NCBP3: variants seen among roughly 807,000 people sequenced by gnomAD.
NCBP3 encodes the protein nuclear cap-binding protein subunit 3.
In NCBP3, 20 loss-of-function variants were observed where a neutral mutation model predicts 75.7. That is an observed-to-expected ratio of 0.26 (90% CI 0.19 to 0.38). NCBP3 has a LOEUF of 0.38. Ranked by LOEUF, NCBP3 falls within the 10% of genes least tolerant of loss-of-function variation. NCBP3 has a pLI of 1.00. For missense variants in NCBP3, 678 were observed against 796.9 expected, an observed-to-expected ratio of 0.85 and a Z score of 1.80; for synonymous variants, 293 against 290.5, an observed-to-expected ratio of 1.01 and a Z score of -0.09.
At position 3,846,164 on chromosome 17, in the gene NCBP3, G is replaced by A; in HGVS notation, c.60C>T (p.Ala20=). The A allele has an allele frequency of 2.6e-6, 4 of 1,528,182 alleles. No homozygotes were observed. The highest frequency in any genetic ancestry group is 3.5e-6 in the Non-Finnish European group (4 of 1,137,760). The allele number at this position is 1,528,182 out of a possible 1,614,324, so 94.7% of individuals were successfully genotyped here. A position where few individuals can be genotyped will look rare whatever the true frequency, so the allele number is the denominator to read the frequency against. The change falls in exon 1 of 13, where the codon GCC becomes GCT. Residue 20 remains alanine, a synonymous_variant. Coordinates refer to ENST00000389005, the MANE Select transcript of NCBP3 (RefSeq NM_001114118.3). The surrounding 1 kb of genome is among the most constrained non-coding windows in gnomAD (Gnocchi z 4.6). The stretch of plus-strand genomic sequence containing the variant: ...CCGCCTCAGGGGACGGGAGCCCCAG[G>A]GCCGGCCCCGCCGGGGCCTCCGCCT... The part of the protein sequence containing the change: ...SVKAEAPAGP[A]LGLPSPEAES...
At position 3,841,318 on chromosome 17, in the gene NCBP3, T is replaced by C. The variant is rs547739686; in HGVS notation, c.250-1113A>G. Among the ~76,000 whole-genome samples, 5 of 152,272 alleles carry C rather than the reference T, an allele frequency of 3.3e-5. No individual in the cohort carries two copies. The South Asian group carries it at 1.0e-3, about 32-fold the overall frequency. Reference sequence around the variant, plus strand: ...TTGACTTTGCCACACTAATTGAAGGTCTGACTACAGAGAGCTTGTGGGGAT... The same window carrying C: ...TTGACTTTGCCACACTAATTGAAGGCCTGACTACAGAGAGCTTGTGGGGAT... On this transcript the variant is annotated intron_variant, in intron 2 of 12. Transcript: ENST00000389005.
At position 3,812,044 on chromosome 17, in the gene NCBP3, T is replaced by A. The variant is rs1243015432; in HGVS notation, c.*1000A>T. Reference sequence around the variant, plus strand: ...GGACCCCATCTCAGATGGATGGATTTTTTTTCCTACTGGAGCCAAAAAACA... The same window carrying A: ...GGACCCCATCTCAGATGGATGGATTATTTTTCCTACTGGAGCCAAAAAACA... On this transcript the variant is annotated 3_prime_UTR_variant, in exon 13 of 13. Transcript: ENST00000389005. 6.6e-6 allele frequency: 1 copy of A among 152,152 alleles called. No individual in the cohort carries two copies. Among genetic ancestry groups the A allele is most frequent in the Non-Finnish European group, 1.5e-5 (1 of 68,038 alleles). 9.4% of individuals were successfully genotyped at this position (152,152 alleles called of 1,614,324 possible). A position where few individuals can be genotyped will look rare whatever the true frequency, so the allele number is the denominator to read the frequency against.
intron 4 of NCBP3, among the ~76,000 whole-genome samples, chr17:3,826,516 A>C (rs567457004): frequency 6.6e-6 from 1 of 152,268 alleles, no homozygotes; most frequent in East Asian, 1.9e-4. Flanking sequence ...CGGTAGTCCC[A>C]GCTACTTGGG....
At chr17:3,830,905 C>CTT (rs1274184194) in intron 3 of NCBP3, among the ~76,000 whole-genome samples, 3 of 141,814 alleles carry the variant, frequency 2.1e-5, no homozygotes, top group East Asian at 2.1e-4. Flanking sequence ...TTTTAACTAC[C>CTT]TTTTTTTTTT....
rs567657474 is a variant in NCBP3 at position 3,807,968 on chromosome 17, G to C, written c.*5076C>G. ...TGATTTGGCATTATACACACATTTC[G>C]CTTAAACACAATGGTATTTGTCTGA... On this transcript the variant is annotated 3_prime_UTR_variant, in exon 13 of 13. Coordinates refer to ENST00000389005, the MANE Select transcript of NCBP3 (RefSeq NM_001114118.3). The C allele has an allele frequency of 6.6e-6, 1 of 152,130 alleles. No homozygotes were observed. The highest frequency in any genetic ancestry group is 1.5e-5 in the Non-Finnish European group (1 of 68,040). 9.4% of individuals were successfully genotyped at this position (152,130 alleles called of 1,614,324 possible). A position where few individuals can be genotyped will look rare whatever the true frequency, so the allele number is the denominator to read the frequency against.
rs771397959 is a variant in NCBP3, at chr17:3,846,024, C to A, written c.183+17G>T. 23 of 1,545,418 alleles carry A rather than the reference C, an allele frequency of 1.5e-5. No homozygotes were observed. The South Asian group carries it at 2.5e-4, about 17-fold the overall frequency. On this transcript the variant is annotated intron_variant, in intron 1 of 12. Coordinates refer to ENST00000389005, the MANE Select transcript of NCBP3 (RefSeq NM_001114118.3). The surrounding 1 kb of genome is among the most constrained non-coding windows in gnomAD (Gnocchi z 4.6). ...AGCCCCGCGACCTCTTCCTTACCCC[C>A]CGACCCCCGCCCGTACCGGGATCAG...
intron 2 of NCBP3, among the ~76,000 whole-genome samples, chr17:3,841,846 A>AC (rs1416301178): frequency 2.0e-5 from 3 of 151,434 alleles, no homozygotes; most frequent in African/African-American, 2.4e-5. Flanking sequence ...AAAAAAAAAA[A>AC]AACACTATAA....
chr17:3,829,399 G>C (rs1402115397), intron 3 of NCBP3, 31 bp from the exon 4 acceptor site: 1 of 1,548,410 alleles, frequency 6.5e-7, no homozygotes, highest in Non-Finnish European at 8.7e-7. Flanking sequence ...AAAGATGATA[G>C]AATTTTCCTG....
At chr17:3,840,272 A>G in intron 2 of NCBP3, 67 bp from the exon 3 acceptor site, 1 of 1,269,512 alleles carries the variant, frequency 7.9e-7, no homozygotes, top group African/African-American at 1.5e-5. Flanking sequence ...CACATGCATC[A>G]TGATGCATCA....
chr17:3,842,294 G>A (rs537387033), intron 2 of NCBP3, among the ~76,000 whole-genome samples: 9 of 152,060 alleles, frequency 5.9e-5, no homozygotes, highest in South Asian at 2.1e-4. Context: ...GCGTGGTGGC[G>A]GGCGCCTGTA....
At chr17:3,824,542 C>T (rs77421580) in intron 7 of NCBP3, 3,140 of 164,424 alleles carry the variant, frequency 0.019, 31 homozygotes, top group Middle Eastern at 0.036. Context: ...TTTAAATGCC[C>T]ACCAAAAGTC....
chr17:3,810,642 G>A lies in NCBP3; in HGVS notation c.*2402C>T, dbSNP rs2053394771. The A allele has an allele frequency of 1.3e-5, 2 of 152,230 alleles. No homozygotes were observed. Among genetic ancestry groups the A allele is most frequent in the South Asian group, 2.1e-4 (1 of 4,824 alleles). 9.4% of individuals were successfully genotyped at this position (152,230 alleles called of 1,614,324 possible). ...AAGATGTTGCAAGATCTGAGTGACT[G>A]AGAGTGGGCAGGAGGGTTAGAGAAA... On this transcript the variant is annotated 3_prime_UTR_variant, in exon 13 of 13. Coordinates refer to ENST00000389005, the MANE Select transcript of NCBP3 (RefSeq NM_001114118.3).
chr17:3,821,591 T>C (rs2053666700), intron 8 of NCBP3, among the ~76,000 whole-genome samples: 1 of 152,018 alleles, frequency 6.6e-6, no homozygotes, highest in African/African-American at 2.4e-5. Context: ...CATGGCTAAT[T>C]TTTGTATTTT....
At chr17:3,826,005 T>C in intron 5 of NCBP3, 82 bp downstream of exon 5, 1 of 1,486,976 alleles carries the variant, frequency 6.7e-7, no homozygotes, top group Non-Finnish European at 9.0e-7. Flanking sequence ...GGTGATGAGA[T>C]GCTATATAGA....
chr17:3,821,073 T>G (rs1236218284), intron 9 of NCBP3, among the ~76,000 whole-genome samples, 176 bp downstream of exon 9: 2 of 152,178 alleles, frequency 1.3e-5, no homozygotes, highest in Non-Finnish European at 2.9e-5. Context: ...TCATTTGACC[T>G]CTTTGGGCAA....
chr17:3,818,561 C>T lies in NCBP3; in HGVS notation c.1012G>A (p.Val338Ile), dbSNP rs747386302. 2 of 1,605,174 alleles carry T rather than the reference C, an allele frequency of 1.2e-6. No homozygotes were observed. The highest frequency in any genetic ancestry group is 1.7e-4 in the Middle Eastern group (1 of 5,992). ...YKHRHSGLVN[V>I]PEEPIEEEEE... ...TCCTCTTCAATGGGTTCCTCGGGAA[C>T]ATTCACTAGCCCTGAAGAAATTTAA... Residue 338 changes from valine (V) to isoleucine (I), a missense_variant, in exon 10 of 13, where the codon GTT becomes ATT. Transcript: ENST00000389005. The surrounding 1 kb of genome is among the most constrained non-coding windows in gnomAD (Gnocchi z 4.7).
intron 4 of NCBP3, 145 bp downstream of exon 4, chr17:3,829,098 C>G (rs1435127797): frequency 4.5e-6 from 4 of 890,982 alleles, no homozygotes; most frequent in Non-Finnish European, 6.7e-6. Context: ...TTTCACTGCT[C>G]GACAATTTTT....
chr17:3,833,027 A>G (rs1257886979), intron 3 of NCBP3, among the ~76,000 whole-genome samples: 1 of 152,080 alleles, frequency 6.6e-6, no homozygotes, highest in African/African-American at 2.4e-5. Flanking sequence ...AGGTGGGAGG[A>G]CTGCTTGAGT....
chr17:3,813,623 A>G (rs1287584268), intron 12 of NCBP3, among the ~76,000 whole-genome samples: 3 of 152,232 alleles, frequency 2.0e-5, no homozygotes, highest in African/African-American at 4.8e-5. Context: ...ATTCTGCCAG[A>G]AGTAGGCCAC....
Sources: allele counts gnomAD v4.1 joint callset (sites outside exome capture counted in the v4.1 genomes callset), GRCh38; gene constraint gnomAD v4.1.1; non-coding constraint Gnocchi (gnomAD v3.1); transcripts MANE v1.5; gene names NCBI Gene and HGNC (gene_info 2026-07-23, HGNC 2026-07-21).